The following ZNF300 variants were observed in gnomAD, a reference collection of about 807,000 sequenced individuals.
ZNF300 encodes the protein zinc finger protein 300.
In ZNF300, 6 loss-of-function variants were observed where a neutral mutation model predicts 13.9. The ratio of observed to expected loss-of-function variants is 0.43; its 90% CI spans 0.24 to 0.85. The LOEUF (loss-of-function observed/expected upper bound fraction) is 0.85. Among genes scored for constraint, ZNF300 ranks in the 40% least tolerant of loss-of-function variants. The probability of loss-of-function intolerance (pLI) is 0.25; values close to 1 mark genes in which losing one functional copy is unlikely to be tolerated. For missense variants in ZNF300, 662 were observed against 714.2 expected, an observed-to-expected ratio of 0.93 and a Z score of 0.83; for synonymous variants, 237 against 242.2, an observed-to-expected ratio of 0.98 and a Z score of 0.20.
intron 3 of ZNF300, chr5:150,900,823 A>C (rs984586997): frequency 6.6e-6 from 1 of 152,134 alleles, no homozygotes; most frequent in African/African-American, 2.4e-5. Flanking sequence ...GAGGAAATCC[A>C]TTCTGAGAGG....
intron 5 of ZNF300, 87 bp from the exon 6 acceptor site, chr5:150,897,060 A>C: frequency 9.5e-7 from 1 of 1,052,042 alleles, no homozygotes; most frequent in Non-Finnish European, 1.4e-6. Context: ...GATCCAACAT[A>C]GTAGATGAAC....
chr5:150,898,362 A>T, intron 4 of ZNF300, 66 bp downstream of exon 4: 1 of 1,611,954 alleles, frequency 6.2e-7, no homozygotes, highest in Non-Finnish European at 8.5e-7. Context: ...CAATCTAATC[A>T]CAGCAACTAG....
At chr5:150,900,773 A>G (rs1359727882) in intron 3 of ZNF300, 1 of 151,922 alleles carries the variant, frequency 6.6e-6, no homozygotes, top group Non-Finnish European at 1.5e-5. Context: ...GTTTTATCTG[A>G]AGAAAAGTAA....
rs372065825 is a variant in ZNF300, at chr5:150,899,947, AAC to A, written c.16-1395_16-1394del. 3.1e-3 allele frequency among the ~76,000 whole-genome samples: 467 copies of A among 152,160 alleles called. 11 individuals are homozygous for A. Among genetic ancestry groups the A allele is most frequent in the African/African-American group, 9.8e-3 (409 of 41,544 alleles). The stretch of plus-strand genomic sequence containing the variant: ...AGCCTCCTTTGTTTTCTTCTTTGCT[AAC>A]ACAGTCTCATCTCAGTCATCTCAAA... On this transcript the variant is annotated intron_variant, in intron 3 of 5. Transcript: ENST00000274599.
At chr5:150,901,701 T>G (rs559868411) in intron 3 of ZNF300, among the ~76,000 whole-genome samples, 1 of 152,102 alleles carries the variant, frequency 6.6e-6, no homozygotes, top group East Asian at 1.9e-4. Flanking sequence ...CCAGTTATGG[T>G]TTTAAGCATG....
intron 3 of ZNF300, among the ~76,000 whole-genome samples, chr5:150,899,484 A>G (rs946687832): frequency 6.6e-6 from 1 of 152,074 alleles, no homozygotes; most frequent in Non-Finnish European, 1.5e-5. Flanking sequence ...TCATTAATCT[A>G]ATCTCTTTAT....
At chr5:150,897,088 A>C (rs1754819043) in intron 5 of ZNF300, 115 bp from the exon 6 acceptor site, 5 of 768,598 alleles carry the variant, frequency 6.5e-6, no homozygotes, top group Non-Finnish European at 1.0e-5. Context: ...AAAAGGATGG[A>C]AACAGGTCAT....
intron 3 of ZNF300, among the ~76,000 whole-genome samples, chr5:150,899,593 C>T (rs745307271): frequency 8.6e-5 from 13 of 151,458 alleles, no homozygotes; most frequent in Non-Finnish European, 1.3e-4. Flanking sequence ...ACAGTAGCAA[C>T]AAAAAATAAG....
Position 150,895,883 on chromosome 5 carries a change from G to A in ZNF300, c.1356C>T (p.Leu452=). 1 of 1,613,454 alleles carries A rather than the reference G, an allele frequency of 6.2e-7. No individual in the cohort carries two copies. The highest frequency in any genetic ancestry group is 1.1e-5 in the South Asian group (1 of 91,040). ...CEEAFSRKTE[L]ITHQLVHTGE... is the part of the protein sequence containing the mutation. ...CAGTATGAACTAACTGATGTGTAAT[G>A]AGTTCTGTCTTCCTGCTGAAGGCTT... is the stretch of plus-strand genomic sequence containing the variant. Residue 452 remains leucine, a synonymous_variant, in exon 6 of 6, where the codon CTC becomes CTT. Coordinates refer to ENST00000274599, the MANE Select transcript of ZNF300 (RefSeq NM_052860.4).
chr5:150,904,210 A>G (rs555528812), intron 1 of ZNF300, among the ~76,000 whole-genome samples: 4 of 152,186 alleles, frequency 2.6e-5, no homozygotes, highest in African/African-American at 9.6e-5. Context: ...AGACTAAGAA[A>G]AGATGTGAAA....
Position 150,896,971 on chromosome 5 carries a change from T to G in ZNF300, c.268A>C (p.Arg90=). Reference sequence around the variant, plus strand: ...TGGGAGTTGTGAAGGTTACTCTTCCTGTCTAAAAGAAGAAAAGATACAATT... The same window carrying G: ...TGGGAGTTGTGAAGGTTACTCTTCCGGTCTAAAAGAAGAAAAGATACAATT... ...DEYQADGRQD[R]KSNLHNSQSC... Residue 90 remains arginine, a splice_region_variant and synonymous_variant, in exon 6 of 6, where the codon AGG becomes CGG. Transcript: ENST00000274599. 6.2e-7 allele frequency: 1 copy of G among 1,600,834 alleles called. No individual in the cohort carries two copies. The highest frequency in any genetic ancestry group is 8.5e-7 in the Non-Finnish European group (1 of 1,174,650).
intron 5 of ZNF300, 73 bp from the exon 6 acceptor site, chr5:150,897,046 G>A: frequency 8.2e-7 from 1 of 1,213,432 alleles, no homozygotes; most frequent in Non-Finnish European, 1.1e-6. Context: ...TAGAACAAAT[G>A]GATGATCCAA....
rs142909901 is a variant in ZNF300 at position 150,901,963 on chromosome 5, C to T, written c.15+1178G>A. On this transcript the variant is annotated intron_variant, in intron 3 of 5. Transcript: ENST00000274599. ...TAACCTTCTTTTTCCAAAAGAAAAGCGCAAGAAAATAAGAGACATTCTCAC... is the reference window on the plus strand; with the variant it reads ...TAACCTTCTTTTTCCAAAAGAAAAGTGCAAGAAAATAAGAGACATTCTCAC... Among the ~76,000 whole-genome samples, 35 of 152,020 alleles carry T rather than the reference C, an allele frequency of 2.3e-4. No homozygotes were observed. In the East Asian group the frequency reaches 6.0e-3, roughly 26 times the overall value.
In ZNF300 at chr5:150,895,760, A is replaced by G. The variant is rs1754741861; in HGVS notation, c.1479T>C (p.Tyr493=). 6.2e-7 allele frequency: 1 copy of G among 1,613,460 alleles called. No individual in the cohort carries two copies. The highest frequency in any genetic ancestry group is 1.3e-5 in the African/African-American group (1 of 74,886). The change falls in exon 6 of 6, where the codon TAT becomes TAC. Residue 493 remains tyrosine (Y), a synonymous_variant. Coordinates refer to ENST00000274599, the MANE Select transcript of ZNF300 (RefSeq NM_052860.4). ...AGGCTTTGCCACATTCACTACATTT[A>G]TAGGGTTTTTCTCCAGTATGTGTTC... ...HQRTHTGEKP[Y]KCSECGKAFC... is the part of the protein sequence containing the mutation.
In ZNF300 at chr5:150,904,907, C is replaced by G. The variant is rs1019946388; in HGVS notation, c.-345G>C. ...GTTCCGCATCTTCAGAGGCTTTGTT[C>G]AGGAAGCAACATGGCTGCTCCCTGG... On this transcript the variant is annotated 5_prime_UTR_variant, in exon 1 of 6. Transcript: ENST00000274599. 1 of 152,288 alleles carries G rather than the reference C, an allele frequency of 6.6e-6. No homozygotes were observed. Among genetic ancestry groups the G allele is most frequent in the African/African-American group, 2.4e-5 (1 of 41,434 alleles). The allele number at this position is 152,288 out of a possible 1,614,324, so 9.4% of individuals were successfully genotyped here. A position where few individuals can be genotyped will look rare whatever the true frequency, so the allele number is the denominator to read the frequency against.
In ZNF300 at chr5:150,895,919, A is replaced by G; in HGVS notation, c.1320T>C (p.Ala440=). The stretch of plus-strand genomic sequence containing the variant: ...TCCTGCTGAAGGCTTCCTCACATTG[A>G]GCACATTTGTAGGGTTTCTCACCAG... ...IHTGEKPYKC[A]QCEEAFSRKT... is the part of the protein sequence containing the mutation. Residue 440 remains alanine, a synonymous_variant, in exon 6 of 6, where the codon GCT becomes GCC. Coordinates refer to ENST00000274599, the MANE Select transcript of ZNF300 (RefSeq NM_052860.4). The G allele has an allele frequency of 6.2e-7, 1 of 1,613,466 alleles. No individual in the cohort carries two copies. The highest frequency in any genetic ancestry group is 8.5e-7 in the Non-Finnish European group (1 of 1,179,792).
In ZNF300 at chr5:150,895,250, T is replaced by C. The variant is rs989814012; in HGVS notation, c.*174A>G. 9.7e-6 allele frequency: 5 copies of C among 517,410 alleles called. No homozygotes were observed. Among genetic ancestry groups the C allele is most frequent in the Non-Finnish European group, 1.4e-5 (4 of 296,288 alleles). 32.1% of individuals were successfully genotyped at this position (517,410 alleles called of 1,614,324 possible). A position where few individuals can be genotyped will look rare whatever the true frequency, so the allele number is the denominator to read the frequency against. ...CCATATTAAAAATGTTCTTCATTTA[T>C]ATAACTATTTTCCATCATCTTTGCT... is the stretch of plus-strand genomic sequence containing the variant. On this transcript the variant is annotated 3_prime_UTR_variant, in exon 6 of 6. Coordinates refer to ENST00000274599, the MANE Select transcript of ZNF300 (RefSeq NM_052860.4).
chr5:150,899,300 T>C (rs1754910857), intron 3 of ZNF300, among the ~76,000 whole-genome samples: 2 of 152,026 alleles, frequency 1.3e-5, no homozygotes, highest in South Asian at 4.1e-4. Context: ...TAGATTCTGA[T>C]GGAATAAAAA....
At position 150,898,122 on chromosome 5, in the gene ZNF300, T is replaced by A; in HGVS notation, c.205A>T (p.Ile69Leu). 3 of 1,613,700 alleles carry A rather than the reference T, an allele frequency of 1.9e-6. No individual in the cohort carries two copies. Among genetic ancestry groups the A allele is most frequent in the Non-Finnish European group, 2.5e-6 (3 of 1,179,748 alleles). ...ATCCAATTTGATATGTCTCCCTTTA[T>A]GATCCATGGCTCTTCTCCTTGTTCC... ...KLEQGEEPWIIKGDISNWIYP... is the reference protein window; with the variant it reads ...KLEQGEEPWILKGDISNWIYP... Residue 69 changes from isoleucine to leucine, a missense_variant, in exon 5 of 6, where the codon ATA becomes TTA. Coordinates refer to ENST00000274599, the MANE Select transcript of ZNF300 (RefSeq NM_052860.4).
Sources: gnomAD v4.1 joint callset for allele counts (sites outside exome capture counted in the v4.1 genomes callset) on GRCh38, gnomAD v4.1.1 for gene constraint, MANE v1.5 for transcripts, NCBI Gene and HGNC (gene_info 2026-07-23, HGNC 2026-07-21) for gene names.